SH3BP5: variants seen among roughly 807,000 people sequenced by gnomAD.
SH3BP5 encodes SH3 domain binding protein 5.
In SH3BP5, 22 loss-of-function variants were observed where a neutral mutation model predicts 43.3. That is an observed-to-expected ratio of 0.51 (90% CI 0.36 to 0.73). SH3BP5 has a LOEUF of 0.73. Ranked by LOEUF, SH3BP5 falls within the 30% of genes least tolerant of loss-of-function variation. The pLI is 0.00. For missense variants in SH3BP5, 529 were observed against 586.9 expected, an observed-to-expected ratio of 0.90 and a Z score of 1.02; for synonymous variants, 255 against 225.8, an observed-to-expected ratio of 1.13 and a Z score of -1.16.
chr3:15,259,347 T>C lies in SH3BP5; in HGVS notation c.670-297A>G, dbSNP rs899196253. The C allele has an allele frequency of 6.0e-5, 32 of 536,298 alleles. No homozygotes were observed. In the East Asian group the frequency reaches 9.7e-4, roughly 16 times the overall value. The allele number at this position is 536,298 out of a possible 1,614,324, so 33.2% of individuals were successfully genotyped here. Reference sequence around the variant, plus strand: ...TCAGACACACCAAAGTCCCACAGTCTAGACATCTGGTTCCCAGTACAGTGG... The same window carrying C: ...TCAGACACACCAAAGTCCCACAGTCCAGACATCTGGTTCCCAGTACAGTGG... On this transcript the variant is annotated intron_variant, in intron 6 of 8. Transcript: ENST00000383791.
At chr3:15,276,065 G>A (rs993586204) in intron 3 of SH3BP5, 2 of 144,902 alleles carry the variant, frequency 1.4e-5, no homozygotes, top group Non-Finnish European at 3.0e-5. Flanking sequence ...TGAATGTGAT[G>A]TGACCTTCAT....
chr3:15,287,796 T>C (rs1351449597), intron 3 of SH3BP5, among the ~76,000 whole-genome samples: 1 of 151,982 alleles, frequency 6.6e-6, no homozygotes, highest in Admixed American at 6.6e-5. Context: ...CAATTGTGAG[T>C]AGTGACGTGC....
chr3:15,332,036 ACGGGT>A (rs1051453790), intron 1 of SH3BP5: 2 of 582,438 alleles, frequency 3.4e-6, no homozygotes, highest in African/African-American at 3.9e-5. Flanking sequence ...CGATCCTGCT[ACGGGT>A]CGGCGGGGGA....
chr3:15,270,853 G>A (rs945941876), intron 3 of SH3BP5, among the ~76,000 whole-genome samples: 6 of 149,952 alleles, frequency 4.0e-5, no homozygotes, highest in Non-Finnish European at 8.8e-5. Context: ...TTGAACTCAA[G>A]AGGCAGAGGC....
intron 7 of SH3BP5, 92 bp from the exon 8 acceptor site, chr3:15,257,205 G>T (rs1575272404): frequency 7.7e-7 from 1 of 1,295,856 alleles, no homozygotes. Context: ...GACACAGCAT[G>T]GGGGACTAAA....
At chr3:15,334,196 A>C (rs1334058600), upstream of SH3BP5, among the ~76,000 whole-genome samples, 1 of 152,224 alleles carries the variant, frequency 6.6e-6, no homozygotes, top group East Asian at 1.9e-4. Context: ...ACATAGGCCA[A>C]CTGCTCAAGA....
At chr3:15,340,977 G>A (rs1164097808) in intron 1 of SH3BP5, among the ~76,000 whole-genome samples, 6 of 151,910 alleles carry the variant, frequency 3.9e-5, no homozygotes, top group Admixed American at 2.0e-4. Flanking sequence ...ACTGGAACCC[G>A]GGAGGCGGAG....
chr3:15,299,672 T>G (rs974881835), intron 3 of SH3BP5, among the ~76,000 whole-genome samples: 1 of 151,950 alleles, frequency 6.6e-6, no homozygotes, highest in African/African-American at 2.4e-5. Flanking sequence ...TTAAATTTTT[T>G]TTATTTCATA....
At chr3:15,259,984 C>T (rs1696372005) in intron 5 of SH3BP5, 181 bp from the exon 6 acceptor site, 1 of 630,614 alleles carries the variant, frequency 1.6e-6, no homozygotes, top group Non-Finnish European at 2.9e-6. Context: ...TGACAGACAC[C>T]AGATGGAACG....
At chr3:15,274,428 G>A (rs1170878609) in intron 3 of SH3BP5, among the ~76,000 whole-genome samples, 2 of 152,124 alleles carry the variant, frequency 1.3e-5, no homozygotes, top group African/African-American at 2.4e-5. Flanking sequence ...GGGGGAACAG[G>A]GCATCTCACA....
chr3:15,337,084 GT>G (rs374056927), upstream of SH3BP5, among the ~76,000 whole-genome samples: 90 of 100,108 alleles, frequency 9.0e-4, no homozygotes, highest in South Asian at 1.7e-3. Flanking sequence ...TTTTAGTTTA[GT>G]TTTTTTTTTT....
intron 3 of SH3BP5, among the ~76,000 whole-genome samples, chr3:15,272,056 A>T (rs983654646): frequency 6.6e-6 from 1 of 152,188 alleles, no homozygotes; most frequent in Non-Finnish European, 1.5e-5. Context: ...GAAGAGGGGA[A>T]CTACAGGGAC....
At chr3:15,318,428 T>C (rs1698236683) in intron 2 of SH3BP5, among the ~76,000 whole-genome samples, 1 of 151,198 alleles carries the variant, frequency 6.6e-6, no homozygotes, top group Non-Finnish European at 1.5e-5. Context: ...GTACGGCACA[T>C]TAAGAGGCAG....
upstream of SH3BP5, chr3:15,333,327 C>G (rs1559464144): frequency 2.1e-6 from 2 of 957,292 alleles, no homozygotes; most frequent in Non-Finnish European, 2.5e-6. Context: ...GTCAGGGGAA[C>G]GCAAAGGATG....
At chr3:15,274,036 G>A (rs1204521046) in intron 3 of SH3BP5, among the ~76,000 whole-genome samples, 1 of 152,142 alleles carries the variant, frequency 6.6e-6, no homozygotes, top group African/African-American at 2.4e-5. Flanking sequence ...TTGAGGCCAG[G>A]AATTCAAGAC....
intron 3 of SH3BP5, among the ~76,000 whole-genome samples, chr3:15,288,800 G>A (rs765258203): frequency 1.3e-5 from 2 of 152,136 alleles, no homozygotes; most frequent in Admixed American, 6.6e-5. Context: ...AGACATGAGG[G>A]ATTGCACCAA....
In SH3BP5 at chr3:15,296,059, A is replaced by G. The variant is rs139442554; in HGVS notation, c.330+8044T>C. Among the ~76,000 whole-genome samples, 17 of 152,308 alleles carry G rather than the reference A, an allele frequency of 1.1e-4. No individual in the cohort carries two copies. The East Asian group carries it at 3.3e-3, about 29-fold the overall frequency. On this transcript the variant is annotated intron_variant, in intron 3 of 8. Transcript: ENST00000383791. ...AATGTTGTGACCAGAGGCTCTCAGG[A>G]ACCTAACCTCTATTTCCCCTAGGAG...
At chr3:15,331,462 C>G (rs1698607520) in intron 1 of SH3BP5, among the ~76,000 whole-genome samples, 1 of 152,056 alleles carries the variant, frequency 6.6e-6, no homozygotes, top group Non-Finnish European at 1.5e-5. Flanking sequence ...AAAAAACGGG[C>G]CTTAGAAAGG....
At position 15,332,264 on chromosome 3, in the gene SH3BP5, G is replaced by A. The variant is rs1422946855; in HGVS notation, c.138+7C>T. On this transcript the variant is annotated splice_region_variant and intron_variant, in intron 1 of 8. Coordinates refer to ENST00000383791, the MANE Select transcript of SH3BP5 (RefSeq NM_004844.5). ...GCCCGGATGCGGGGCGACCCCGCGC[G>A]CCCTACCTGGATCCGGGGATCCACC... 1.3e-6 allele frequency: 2 copies of A among 1,551,416 alleles called. No homozygotes were observed. The highest frequency in any genetic ancestry group is 2.4e-5 in the East Asian group (1 of 41,758).
Sources: allele counts gnomAD v4.1 joint callset (sites outside exome capture counted in the v4.1 genomes callset), GRCh38; gene constraint gnomAD v4.1.1; transcripts MANE v1.5; gene names NCBI Gene and HGNC (gene_info 2026-07-23, HGNC 2026-07-21).